The following MAML3 variants were observed in gnomAD, a reference collection of about 807,000 sequenced individuals.
MAML3 encodes mastermind like transcriptional coactivator 3.
Under a neutral mutation model 101.9 loss-of-function variants are expected in MAML3, and 27 were observed. The ratio of observed to expected loss-of-function variants is 0.27; its 90% CI spans 0.20 to 0.37. The LOEUF (loss-of-function observed/expected upper bound fraction) is 0.37, where lower values mean the gene tolerates loss of function less well. MAML3 is among the 10% of genes least tolerant of loss of function. The pLI, the probability that MAML3 is intolerant of heterozygous loss-of-function variation, is 1.00. For synonymous variants in MAML3, 501 were observed against 555.9 expected, an observed-to-expected ratio of 0.90 and a Z score of 1.39; for missense variants, 1,316 against 1,444.9, an observed-to-expected ratio of 0.91 and a Z score of 1.45.
At chr4:140,150,032 C>T (rs998703314) in intron 1 of MAML3, among the ~76,000 whole-genome samples, 1 of 146,980 alleles carries the variant, frequency 6.8e-6, no homozygotes, top group Non-Finnish European at 1.5e-5. Flanking sequence ...ATCACACATA[C>T]CAGTGAGAGA....
chr4:140,151,964 A>C (rs28494762), intron 1 of MAML3, among the ~76,000 whole-genome samples: 3 of 152,106 alleles, frequency 2.0e-5, no homozygotes, highest in Non-Finnish European at 4.4e-5. Context: ...GCAGCGGGGC[A>C]GGGGGCGCCA....
chr4:139,721,005 A>G (rs1054280648), intron 4 of MAML3, among the ~76,000 whole-genome samples: 1 of 152,264 alleles, frequency 6.6e-6, no homozygotes, highest in African/African-American at 2.4e-5. Flanking sequence ...AACATGCTCC[A>G]GATTCTCTGA....
chr4:140,085,157 A>AACCTC (rs1727931358), intron 1 of MAML3, among the ~76,000 whole-genome samples: 2 of 152,236 alleles, frequency 1.3e-5, no homozygotes, highest in African/African-American at 4.8e-5. Flanking sequence ...CAGCCACAGC[A>AACCTC]CGAAGAAACA....
intron 1 of MAML3, among the ~76,000 whole-genome samples, chr4:140,041,769 G>A (rs1727089935): frequency 6.6e-6 from 1 of 152,094 alleles, no homozygotes; most frequent in South Asian, 2.1e-4. Context: ...GTTTAACATG[G>A]GGAAAATATT....
intron 1 of MAML3, among the ~76,000 whole-genome samples, chr4:139,999,895 G>A (rs1436693092): frequency 2.0e-5 from 3 of 152,210 alleles, no homozygotes; most frequent in African/African-American, 7.2e-5. Flanking sequence ...ACGATTCACA[G>A]ATGTGGATTA....
intron 1 of MAML3, among the ~76,000 whole-genome samples, chr4:140,115,494 A>T (rs1263877979): frequency 6.6e-6 from 1 of 152,214 alleles, no homozygotes; most frequent in Non-Finnish European, 1.5e-5. Context: ...TTTCATCCAC[A>T]ATAACACAAA....
rs149704229 is a variant in MAML3, at chr4:139,996,788, C to T, written c.469-105821G>A. On this transcript the variant is annotated intron_variant, in intron 1 of 4. Transcript: ENST00000509479. ...ATTAAATATATTATTGGGCCAGGCACGGTGGCTCACGCCTGTAATCCCAGC... is the reference window on the plus strand; with the variant it reads ...ATTAAATATATTATTGGGCCAGGCATGGTGGCTCACGCCTGTAATCCCAGC... Among the ~76,000 whole-genome samples the T allele has an allele frequency of 5.9e-3, 899 of 151,846 alleles. 8 individuals carry two copies. Among genetic ancestry groups the T allele is most frequent in the African/African-American group, 0.02 (812 of 41,420 alleles).
rs1732456462 is a variant in MAML3, at chr4:139,890,578, G to T, written c.858C>A (p.Asp286Glu). Residue 286 changes from aspartate to glutamate, a missense_variant, in exon 2 of 5, where the codon GAC (aspartate) becomes GAA (glutamate). Asp to Glu is a conservative substitution (Grantham distance 45). Transcript: ENST00000509479. This position sits in a 1 kb window ranked among gnomAD's most constrained non-coding sequence, Gnocchi z 4.1. ...GATTTGAAAGAGATGTTTCTGATGTGTCTATGCAAGTAGGGTCATCGAGAG... is the reference window on the plus strand; with the variant it reads ...GATTTGAAAGAGATGTTTCTGATGTTTCTATGCAAGTAGGGTCATCGAGAG... The part of the protein sequence containing the change: ...QEPLDDPTCI[D>E]TSETSLSNQN... 1.9e-6 allele frequency: 3 copies of T among 1,614,004 alleles called. No homozygotes were observed. Among genetic ancestry groups the T allele is most frequent in the Middle Eastern group, 1.6e-4 (1 of 6,062 alleles).
intron 1 of MAML3, among the ~76,000 whole-genome samples, chr4:140,109,237 T>C (rs1261068102): frequency 2.0e-5 from 3 of 152,304 alleles, no homozygotes; most frequent in Non-Finnish European, 4.4e-5. Flanking sequence ...GTTGAAGGTA[T>C]CCTCCTACAT....
chr4:140,009,505 C>G (rs1726514028), intron 1 of MAML3, among the ~76,000 whole-genome samples: 1 of 152,084 alleles, frequency 6.6e-6, no homozygotes, highest in Admixed American at 6.6e-5. Flanking sequence ...TTTTTGTCCT[C>G]CATTAACCAT....
At chr4:139,955,032 G>C (rs1405429330) in intron 1 of MAML3, among the ~76,000 whole-genome samples, 5 of 152,032 alleles carry the variant, frequency 3.3e-5, no homozygotes, top group Non-Finnish European at 5.9e-5. Flanking sequence ...GGAGTCTTAG[G>C]CTGGCCCTGG....
At chr4:139,837,208 C>T (rs1731270087) in intron 2 of MAML3, among the ~76,000 whole-genome samples, 1 of 151,560 alleles carries the variant, frequency 6.6e-6, no homozygotes, top group African/African-American at 2.4e-5. Context: ...ATCAAAATCA[C>T]TTTTCCTGGC....
chr4:139,897,699 T>A (rs1731432231), intron 1 of MAML3, among the ~76,000 whole-genome samples: 2 of 152,176 alleles, frequency 1.3e-5, no homozygotes, highest in Admixed American at 6.5e-5. Context: ...GGCTGTGGTT[T>A]TCTCCATACA....
At chr4:139,800,099 T>C (rs1381398056) in intron 2 of MAML3, among the ~76,000 whole-genome samples, 2 of 152,208 alleles carry the variant, frequency 1.3e-5, no homozygotes. Flanking sequence ...AACCATATTT[T>C]CATTTCAGTA....
intron 1 of MAML3, among the ~76,000 whole-genome samples, chr4:139,992,949 G>T (rs1734709102): frequency 6.6e-6 from 1 of 152,184 alleles, no homozygotes; most frequent in Non-Finnish European, 1.5e-5. Context: ...GTAATATTGA[G>T]CACATACTTC....
intron 1 of MAML3, among the ~76,000 whole-genome samples, chr4:139,900,675 T>G (rs145904649): frequency 6.6e-6 from 1 of 152,358 alleles, no homozygotes; most frequent in East Asian, 1.9e-4. Flanking sequence ...CAACTACTCA[T>G]TAAAAGCAAG....
At chr4:140,071,429 C>T (rs1338799617) in intron 1 of MAML3, among the ~76,000 whole-genome samples, 1 of 152,200 alleles carries the variant, frequency 6.6e-6, no homozygotes, top group Non-Finnish European at 1.5e-5. Context: ...ACAGCTTTTA[C>T]ACTGAGGTGA....
At chr4:139,919,767 TC>T (rs1203329742) in intron 1 of MAML3, among the ~76,000 whole-genome samples, 5 of 152,346 alleles carry the variant, frequency 3.3e-5, no homozygotes, top group African/African-American at 1.2e-4. Flanking sequence ...TTTTGTTTGT[TC>T]ATTTGTTTTC....
chr4:139,902,378 T>A (rs1268882633), intron 1 of MAML3, among the ~76,000 whole-genome samples: 1 of 152,146 alleles, frequency 6.6e-6, no homozygotes, highest in Non-Finnish European at 1.5e-5. Context: ...CACAACAGAT[T>A]TTTACTCCAA....
Sources: allele counts gnomAD v4.1 joint callset (sites outside exome capture counted in the v4.1 genomes callset), GRCh38; gene constraint gnomAD v4.1.1; non-coding constraint Gnocchi (gnomAD v3.1); transcripts MANE v1.5; gene names NCBI Gene and HGNC (gene_info 2026-07-23, HGNC 2026-07-21).